Variants in CADM2 observed in about 807,000 individuals in gnomAD.
CADM2 encodes the protein cell adhesion molecule 2.
A neutral mutation model predicts 49.8 loss-of-function variants in CADM2; 12 were observed. The ratio of observed to expected loss-of-function variants is 0.24; its 90% CI spans 0.15 to 0.39. The LOEUF is 0.39. Ranked by LOEUF, CADM2 falls within the 10% of genes least tolerant of loss-of-function variation. The probability of loss-of-function intolerance (pLI) is 1.00; values close to 1 mark genes in which losing one functional copy is unlikely to be tolerated. For missense variants in CADM2, 378 were observed against 492.3 expected (o/e 0.77, Z 2.20); for synonymous variants, 214 against 175.4 (o/e 1.22, Z -1.74).
intron 3 of CADM2, among the ~76,000 whole-genome samples, chr3:85,824,079 C>T (rs748391646): frequency 3.9e-5 from 6 of 152,112 alleles, no homozygotes; most frequent in Non-Finnish European, 8.8e-5. Flanking sequence ...TATTCTGGGA[C>T]GTTTTTCACC....
intron 1 of CADM2, among the ~76,000 whole-genome samples, chr3:85,550,702 T>C (rs1393796383): frequency 6.6e-6 from 1 of 152,180 alleles, no homozygotes; most frequent in Non-Finnish European, 1.5e-5. Flanking sequence ...CTCACCAAAA[T>C]GTTTCCATTA....
chr3:85,037,395 T>C (rs1019561079), intron 1 of CADM2, among the ~76,000 whole-genome samples: 2 of 152,222 alleles, frequency 1.3e-5, no homozygotes, highest in African/African-American at 4.8e-5. Flanking sequence ...ACTATTTATA[T>C]GTGTGGTTGC....
intron 3 of CADM2, among the ~76,000 whole-genome samples, chr3:85,826,316 A>G (rs1403670850): frequency 6.6e-6 from 1 of 152,070 alleles, no homozygotes; most frequent in African/African-American, 2.4e-5. Context: ...GTATTATTTA[A>G]TGAACAAATG....
intron 1 of CADM2, among the ~76,000 whole-genome samples, chr3:85,642,496 A>T (rs951506816): frequency 5.9e-5 from 9 of 151,720 alleles, no homozygotes; most frequent in South Asian, 2.1e-4. Context: ...AAAATAGTTT[A>T]AAAAAAAGCT....
intron 2 of CADM2, among the ~76,000 whole-genome samples, chr3:85,787,677 C>A (rs2071076397): frequency 6.6e-6 from 1 of 152,104 alleles, no homozygotes; most frequent in Non-Finnish European, 1.5e-5. Flanking sequence ...ACAGTTCAAA[C>A]CCATCTTGTT....
chr3:85,514,974 A>G (rs924686484), intron 1 of CADM2, among the ~76,000 whole-genome samples: 3 of 152,138 alleles, frequency 2.0e-5, no homozygotes, highest in African/African-American at 4.8e-5. Context: ...TTTCTTTTCT[A>G]TGGAGACTTT....
At chr3:85,056,362 C>A (rs2036078967) in intron 1 of CADM2, among the ~76,000 whole-genome samples, 1 of 152,014 alleles carries the variant, frequency 6.6e-6, no homozygotes, top group Non-Finnish European at 1.5e-5. Flanking sequence ...ATTTCAGAGT[C>A]TTAGGCTCTT....
intron 1 of CADM2, among the ~76,000 whole-genome samples, chr3:85,390,496 A>G (rs1279199461): frequency 6.6e-6 from 1 of 152,030 alleles, no homozygotes; most frequent in Non-Finnish European, 1.5e-5. Context: ...CACTCTTGCT[A>G]TGTAACTCTC....
At chr3:85,312,014 A>T (rs2044357300) in intron 1 of CADM2, among the ~76,000 whole-genome samples, 1 of 152,152 alleles carries the variant, frequency 6.6e-6, no homozygotes, top group Admixed American at 6.5e-5. Flanking sequence ...GATGCTAAGA[A>T]ATTTTATGTG....
At chr3:85,043,678 C>G (rs571594672) in intron 1 of CADM2, among the ~76,000 whole-genome samples, 119 of 151,936 alleles carry the variant, frequency 7.8e-4, no homozygotes, top group Non-Finnish European at 1.5e-3. Flanking sequence ...GAGCTTGTCT[C>G]AAAATAAATA....
chr3:85,861,751 C>T (rs2075542564), intron 3 of CADM2, among the ~76,000 whole-genome samples: 1 of 152,046 alleles, frequency 6.6e-6, no homozygotes, highest in South Asian at 2.1e-4. Context: ...TAATAAGACA[C>T]ATATGGTTCT....
chr3:85,359,974 C>G (rs2032234988), intron 1 of CADM2, among the ~76,000 whole-genome samples: 2 of 151,414 alleles, frequency 1.3e-5, no homozygotes, highest in Admixed American at 1.3e-4. Flanking sequence ...ATCATTTTTT[C>G]CACAATGCCA....
At chr3:85,486,308 CAA>C (rs2039414379) in intron 1 of CADM2, among the ~76,000 whole-genome samples, 1 of 151,320 alleles carries the variant, frequency 6.6e-6, no homozygotes, top group Non-Finnish European at 1.5e-5. Flanking sequence ...TTAGGGGGAA[CAA>C]TAGAAATAGA....
intron 1 of CADM2, among the ~76,000 whole-genome samples, chr3:85,021,192 C>A (rs2034492812): frequency 6.6e-6 from 1 of 150,432 alleles, no homozygotes; most frequent in African/African-American, 2.4e-5. Flanking sequence ...CTGTTTATAT[C>A]ATCTTCACAG....
chr3:85,276,620 T>C (rs562323138), intron 1 of CADM2, among the ~76,000 whole-genome samples: 1 of 151,236 alleles, frequency 6.6e-6, no homozygotes, highest in Non-Finnish European at 1.5e-5. Flanking sequence ...ACTATTAGGC[T>C]AATGTAAATG....
At chr3:85,721,710 G>C (rs927697978) in intron 1 of CADM2, among the ~76,000 whole-genome samples, 1 of 152,210 alleles carries the variant, frequency 6.6e-6, no homozygotes, top group African/African-American at 2.4e-5. Context: ...TCTAGGAACT[G>C]CAGGGCCCCA....
At chr3:85,817,128 G>T (rs2073257476) in intron 3 of CADM2, among the ~76,000 whole-genome samples, 1 of 152,286 alleles carries the variant, frequency 6.6e-6, no homozygotes, top group East Asian at 1.9e-4. Context: ...CAGCTCTGGT[G>T]AAATGTAGGA....
At chr3:86,024,230 C>A (rs1363335605) in intron 8 of CADM2, among the ~76,000 whole-genome samples, 2 of 152,184 alleles carry the variant, frequency 1.3e-5, no homozygotes, top group African/African-American at 4.8e-5. Flanking sequence ...AGGCCTAAGC[C>A]ATATTACACA....
chr3:85,941,565 G>A (rs1352969264), intron 7 of CADM2, among the ~76,000 whole-genome samples: 1 of 151,974 alleles, frequency 6.6e-6, no homozygotes, highest in African/African-American at 2.4e-5. Context: ...TAGTTAAAAC[G>A]AGACACTGGA....
Sources: allele counts gnomAD v4.1 joint callset (sites outside exome capture counted in the v4.1 genomes callset), GRCh38; gene constraint gnomAD v4.1.1; transcripts MANE v1.5; gene names NCBI Gene and HGNC (gene_info 2026-07-23, HGNC 2026-07-21).